Variants in WDFY2 observed in about 807,000 individuals in gnomAD.
The protein encoded by WDFY2 is WD repeat and FYVE domain-containing protein 2.
WDFY2 carries 36 observed loss-of-function variants against 56.4 expected under a neutral mutation model. The ratio of observed to expected loss-of-function variants is 0.64; its 90% CI spans 0.49 to 0.84. The LOEUF (loss-of-function observed/expected upper bound fraction) is 0.84. Among genes scored for constraint, WDFY2 ranks in the 40% least tolerant of loss-of-function variants. The pLI is 0.00. For synonymous variants in WDFY2, 176 were observed against 183.7 expected (o/e 0.96, Z 0.34); for missense variants, 444 against 512.2 (o/e 0.87, Z 1.29).
intron 1 of WDFY2, among the ~76,000 whole-genome samples, chr13:51,654,932 G>T (rs1010975955): frequency 3.9e-5 from 6 of 152,122 alleles, no homozygotes; most frequent in African/African-American, 1.2e-4. Context: ...AGTGAAGAGA[G>T]CTCTATTTAA....
Position 51,758,225 on chromosome 13 carries a change from A to G in WDFY2, c.1098A>G (p.Lys366=), listed in dbSNP as rs543299262. 6 of 1,595,954 alleles carry G rather than the reference A, an allele frequency of 3.8e-6. No homozygotes were observed. The Admixed American group carries it at 8.4e-5, about 22-fold the overall frequency. The change falls in exon 11 of 12, where the codon AAA becomes AAG. Residue 366 remains lysine, a synonymous_variant. Transcript: ENST00000298125. ...CCACAGCCACCTTCCATGACAGTAA[A>G]CATAACATTGTGCATGTGCATTTCG... ...RAPTATFHDS[K]HNIVHVHFDA...
At chr13:51,737,638 C>T (rs1286344932) in intron 6 of WDFY2, among the ~76,000 whole-genome samples, 2 of 145,890 alleles carry the variant, frequency 1.4e-5, no homozygotes, top group African/African-American at 5.1e-5. Flanking sequence ...AGGAGGTGAC[C>T]TTTAAGCAAG....
chr13:51,641,792 C>T (rs1352633771), intron 1 of WDFY2, among the ~76,000 whole-genome samples: 4 of 133,324 alleles, frequency 3.0e-5, no homozygotes, highest in Non-Finnish European at 6.1e-5. Context: ...CGCCACTGCA[C>T]TCCAGCCTGG....
chr13:51,601,013 G>C (rs1954268912), intron 1 of WDFY2, among the ~76,000 whole-genome samples: 1 of 152,146 alleles, frequency 6.6e-6, no homozygotes, highest in Admixed American at 6.5e-5. Flanking sequence ...AGAATGGGTA[G>C]GTATTTCAAT....
chr13:51,624,777 A>G (rs1954809028), intron 1 of WDFY2, among the ~76,000 whole-genome samples: 1 of 152,116 alleles, frequency 6.6e-6, no homozygotes, highest in South Asian at 2.1e-4. Context: ...GATCTGAAGG[A>G]GGTTGGGGGG....
rs2030374629 is a variant in WDFY2, at chr13:51,608,150, A to G, written c.137+23326A>G. 2.6e-5 allele frequency among the ~76,000 whole-genome samples: 4 copies of G among 152,348 alleles called. No individual in the cohort carries two copies. In the South Asian group the frequency reaches 6.2e-4, roughly 24 times the overall value. On this transcript the variant is annotated intron_variant, in intron 1 of 11. Coordinates refer to ENST00000298125, the MANE Select transcript of WDFY2 (RefSeq NM_052950.4). ...TTCTGACCTTCAGAACTGTAAGATA[A>G]TATATTTGTGTTGTTTTAAGCCACA...
At chr13:51,654,145 A>T (rs1955461179) in intron 1 of WDFY2, among the ~76,000 whole-genome samples, 1 of 152,000 alleles carries the variant, frequency 6.6e-6, no homozygotes, top group Admixed American at 6.6e-5. Context: ...TTGCATTTTG[A>T]TCTCAGACTG....
intron 7 of WDFY2, among the ~76,000 whole-genome samples, chr13:51,749,710 T>C (rs1211693943): frequency 6.6e-6 from 1 of 152,148 alleles, no homozygotes; most frequent in Non-Finnish European, 1.5e-5. Flanking sequence ...ATAAACTTAA[T>C]ATTATACTTT....
intron 1 of WDFY2, among the ~76,000 whole-genome samples, chr13:51,609,536 A>G (rs1954449892): frequency 6.6e-6 from 1 of 151,524 alleles, no homozygotes; most frequent in Non-Finnish European, 1.5e-5. Context: ...CTGGGACAGG[A>G]TGCCTCCTGT....
intron 7 of WDFY2, among the ~76,000 whole-genome samples, chr13:51,745,407 T>A (rs1953071688): frequency 6.6e-6 from 1 of 152,146 alleles, no homozygotes; most frequent in African/African-American, 2.4e-5. Context: ...CAATGGAGAA[T>A]GTGAAAATGA....
intron 4 of WDFY2, among the ~76,000 whole-genome samples, chr13:51,710,925 T>G (rs1168183864): frequency 6.6e-6 from 1 of 152,014 alleles, no homozygotes; most frequent in Non-Finnish European, 1.5e-5. Context: ...CTTCACAGAA[T>G]TGGAAAAAAC....
At chr13:51,705,705 G>T (rs1027436523) in intron 4 of WDFY2, among the ~76,000 whole-genome samples, 2 of 151,920 alleles carry the variant, frequency 1.3e-5, no homozygotes, top group Non-Finnish European at 2.9e-5. Flanking sequence ...GTCGCCTCAA[G>T]TATTTATCCT....
chr13:51,635,825 TA>T (rs1241495241), intron 1 of WDFY2, among the ~76,000 whole-genome samples: 1 of 152,232 alleles, frequency 6.6e-6, no homozygotes, highest in African/African-American at 2.4e-5. Flanking sequence ...CTCAATATGT[TA>T]TTAGTCCTTC....
chr13:51,593,665 C>T (rs1256949280), intron 1 of WDFY2, among the ~76,000 whole-genome samples: 2 of 151,872 alleles, frequency 1.3e-5, no homozygotes, highest in African/African-American at 4.8e-5. Context: ...TTTTTCTGTT[C>T]GTTTATTTCT....
chr13:51,610,241 T>G (rs1434944652), intron 1 of WDFY2, among the ~76,000 whole-genome samples: 3 of 106,512 alleles, frequency 2.8e-5, no homozygotes, highest in African/African-American at 1.3e-4. Context: ...TATTTGACTG[T>G]TTTTTTTTTT....
intron 1 of WDFY2, among the ~76,000 whole-genome samples, chr13:51,631,782 G>C (rs529874517): frequency 6.6e-6 from 1 of 152,142 alleles, no homozygotes; most frequent in Non-Finnish European, 1.5e-5. Flanking sequence ...TCCCATCTCA[G>C]CCTCCCAAAG....
intron 3 of WDFY2, among the ~76,000 whole-genome samples, chr13:51,678,293 C>G (rs1305788681): frequency 6.6e-6 from 1 of 152,164 alleles, no homozygotes; most frequent in Non-Finnish European, 1.5e-5. Flanking sequence ...TTATTCATCT[C>G]TCCTCTGGTA....
chr13:51,730,832 C>T (rs1323516212), intron 6 of WDFY2, among the ~76,000 whole-genome samples: 1 of 152,118 alleles, frequency 6.6e-6, no homozygotes, highest in Non-Finnish European at 1.5e-5. Context: ...AGAGAACTGC[C>T]AGTCACTCTT....
At chr13:51,654,118 C>T (rs1955460681) in intron 1 of WDFY2, among the ~76,000 whole-genome samples, 1 of 152,196 alleles carries the variant, frequency 6.6e-6, no homozygotes, top group South Asian at 2.1e-4. Flanking sequence ...CGCCCCTCCC[C>T]CAGCCTCGCT....
Sources: gnomAD v4.1 joint callset for allele counts (sites outside exome capture counted in the v4.1 genomes callset) on GRCh38, gnomAD v4.1.1 for gene constraint, MANE v1.5 for transcripts, NCBI Gene and HGNC (gene_info 2026-07-23, HGNC 2026-07-21) for gene names.